Variants in CELF2 observed in about 807,000 individuals in gnomAD.
CELF2 encodes the protein CUG triplet repeat RNA-binding protein 2.
Under a neutral mutation model 62.6 loss-of-function variants are expected in CELF2, and 8 were observed. The observed-to-expected ratio is 0.13, with a 90% CI of 0.07 to 0.23. The LOEUF (loss-of-function observed/expected upper bound fraction) is 0.23, where lower values mean the gene tolerates loss of function less well. Ranked by LOEUF, CELF2 falls within the 10% of genes least tolerant of loss-of-function variation. The pLI, the probability that CELF2 is intolerant of heterozygous loss-of-function variation, is 1.00. For missense variants in CELF2, 333 were observed against 671.0 expected, an observed-to-expected ratio of 0.50 and a Z score of 5.56; for synonymous variants, 258 against 250.0, an observed-to-expected ratio of 1.03 and a Z score of -0.30.
intron 1 of CELF2, among the ~76,000 whole-genome samples, chr10:11,141,767 T>C (rs2061389022): frequency 6.6e-6 from 1 of 152,242 alleles, no homozygotes. Flanking sequence ...ACCTGGTTCC[T>C]GCCCTCAAGA....
At position 11,319,368 on chromosome 10, in the gene CELF2, G is replaced by A. The variant is rs920248755; in HGVS notation, c.1097-1821G>A. 6.6e-6 allele frequency among the ~76,000 whole-genome samples: 1 copy of A among 152,156 alleles called. No homozygotes were observed. The highest frequency in any genetic ancestry group is 1.5e-5 in the Non-Finnish European group (1 of 68,020). ...GAAGTAAGATCACTGGAGGAATAGA[G>A]AAATGACTCTCCAGCCCTCTGGTGG... On this transcript the variant is annotated intron_variant, in intron 10 of 12. Coordinates refer to ENST00000633077, the MANE Select transcript of CELF2 (RefSeq NM_001326342.2). The surrounding 1 kb of genome is among the most constrained non-coding windows in gnomAD (Gnocchi z 4.4).
At chr10:10,959,529 G>A (rs1402773432) in intron 2 of CELF2, among the ~76,000 whole-genome samples, 1 of 152,162 alleles carries the variant, frequency 6.6e-6, no homozygotes, top group East Asian at 1.9e-4. Flanking sequence ...TTTTCCAAGG[G>A]AGAATGATAA....
Position 11,296,180 on chromosome 10 carries a change from C to A in CELF2, c.976+7628C>A, listed in dbSNP as rs1338982819. 6.6e-6 allele frequency among the ~76,000 whole-genome samples: 1 copy of A among 152,144 alleles called. No homozygotes were observed. Among genetic ancestry groups the A allele is most frequent in the Non-Finnish European group, 1.5e-5 (1 of 68,030 alleles). ...GCTGCCACTCACCAAGCGCATTGTT[C>A]CTTGTTTTGAGTGGGCTTTTTAACA... On this transcript the variant is annotated intron_variant, in intron 9 of 12. Transcript: ENST00000633077. The surrounding 1 kb of genome is among the most constrained non-coding windows in gnomAD (Gnocchi z 5.0).
At chr10:10,569,566 G>C in the CELF2 span, among the ~76,000 whole-genome samples, 1 of 152,160 alleles carries the variant, frequency 6.6e-6, no homozygotes, top group African/African-American at 2.4e-5. Flanking sequence ...TTTAATCCAG[G>C]CTCATTTGTG....
chr10:10,937,218 G>A (rs746763457), intron 2 of CELF2, among the ~76,000 whole-genome samples: 4 of 134,634 alleles, frequency 3.0e-5, no homozygotes, highest in East Asian at 2.4e-4. Flanking sequence ...GGCAACCTCC[G>A]CCTCCCAGGT....
intron 1 of CELF2, among the ~76,000 whole-genome samples, chr10:10,894,128 AG>A (rs1485275509): frequency 2.0e-5 from 3 of 152,192 alleles, no homozygotes; most frequent in Non-Finnish European, 2.9e-5. Flanking sequence ...GAAAAAAAAA[AG>A]GCCAAATGAT....
rs750923988 is a variant in CELF2 at position 11,165,713 on chromosome 10, G to A, written c.271+31G>A. 5 of 1,582,164 alleles carry A rather than the reference G, an allele frequency of 3.2e-6. No homozygotes were observed. Among genetic ancestry groups the A allele is most frequent in the Non-Finnish European group, 4.3e-6 (5 of 1,164,358 alleles). ...GAGCGCGGGGCGGGGGTCGCCAGGC[G>A]TCCAGGTGGGCGTCGCGGGGCACTG... On this transcript the variant is annotated intron_variant, in intron 2 of 12. Coordinates refer to ENST00000633077, the MANE Select transcript of CELF2 (RefSeq NM_001326342.2). The surrounding 1 kb of genome is among the most constrained non-coding windows in gnomAD (Gnocchi z 7.4).
chr10:11,106,923 CCTCCTGTGCCTGCAGGGGAGAG>C (rs1278103751), intron 1 of CELF2, among the ~76,000 whole-genome samples: 1 of 152,180 alleles, frequency 6.6e-6, no homozygotes, highest in Non-Finnish European at 1.5e-5. Flanking sequence ...TGCTGGGGCA[CCTCCTGTGCCTGCAGGGGAGAG>C]CTCCAGTGCT....
chr10:10,713,155 C>T, the CELF2 span, among the ~76,000 whole-genome samples: 66 of 152,334 alleles, frequency 4.3e-4, no homozygotes, highest in Middle Eastern at 6.8e-3. Context: ...TTCCCCTATC[C>T]CCAATGGTCT....
chr10:11,091,154 CT>C (rs2048210849), intron 1 of CELF2, among the ~76,000 whole-genome samples: 1 of 152,096 alleles, frequency 6.6e-6, no homozygotes, highest in Non-Finnish European at 1.5e-5. Flanking sequence ...CCTTTTTTGT[CT>C]AATCAGCTTC....
chr10:11,284,144 G>A (rs1334718682), intron 8 of CELF2, among the ~76,000 whole-genome samples: 5 of 134,704 alleles, frequency 3.7e-5, no homozygotes, highest in African/African-American at 1.4e-4. Context: ...AGTGTGTGGT[G>A]GGTGGATGAG....
chr10:10,728,014 A>G, the CELF2 span, among the ~76,000 whole-genome samples: 1 of 152,040 alleles, frequency 6.6e-6, no homozygotes, highest in South Asian at 2.1e-4. Context: ...CCACAGGTAG[A>G]GGTGTCATGA....
At chr10:10,980,429 A>C (rs1251624709) in intron 2 of CELF2, among the ~76,000 whole-genome samples, 1 of 152,142 alleles carries the variant, frequency 6.6e-6, no homozygotes, top group Non-Finnish European at 1.5e-5. Context: ...GTGTGCCTCT[A>C]TTGTAAGAGG....
At chr10:11,082,331 A>G (rs2074241718) in intron 1 of CELF2, among the ~76,000 whole-genome samples, 1 of 152,316 alleles carries the variant, frequency 6.6e-6, no homozygotes, top group South Asian at 2.1e-4. Context: ...AGTGATAAGG[A>G]TGAGCTGTAT....
intron 1 of CELF2, among the ~76,000 whole-genome samples, chr10:11,060,019 T>C (rs187236330): frequency 1.3e-5 from 2 of 152,234 alleles, no homozygotes; most frequent in Admixed American, 1.3e-4. Context: ...AACACATCTT[T>C]GAAATCAGAG....
intron 3 of CELF2, among the ~76,000 whole-genome samples, chr10:11,248,628 A>C (rs1012228747): frequency 1.3e-5 from 2 of 152,250 alleles, no homozygotes; most frequent in Admixed American, 1.3e-4. Context: ...GCATGATTTA[A>C]TTTTATAATA....
At chr10:10,725,002 TA>T in the CELF2 span, among the ~76,000 whole-genome samples, 2 of 152,218 alleles carry the variant, frequency 1.3e-5, no homozygotes, top group Non-Finnish European at 2.9e-5. Flanking sequence ...CTGATTAGTA[TA>T]ACCACTTTTC....
At chr10:11,007,217 C>A (rs201115) in intron 1 of CELF2, among the ~76,000 whole-genome samples, 35,705 of 152,100 alleles carry the variant, frequency 0.23, 7,648 homozygotes, top group African/African-American at 0.57. Flanking sequence ...GGTAATTTTT[C>A]AAACTTTAGT....
intron 1 of CELF2, among the ~76,000 whole-genome samples, chr10:10,820,547 C>G (rs1006373378): frequency 6.6e-6 from 1 of 152,138 alleles, no homozygotes; most frequent in Non-Finnish European, 1.5e-5. Flanking sequence ...AATTTACTGC[C>G]TAGTCAGAAA....
Sources: gnomAD v4.1 joint callset for allele counts (sites outside exome capture counted in the v4.1 genomes callset) on GRCh38, gnomAD v4.1.1 for gene constraint, Gnocchi (gnomAD v3.1) non-coding constraint, MANE v1.5 for transcripts, NCBI Gene and HGNC (gene_info 2026-07-23, HGNC 2026-07-21) for gene names.